The following BRDT variants were observed in gnomAD, a reference collection of about 807,000 sequenced individuals.
BRDT encodes bromodomain testis-specific protein.
BRDT carries 77 observed loss-of-function variants against 113.9 expected under a neutral mutation model. That is an observed-to-expected ratio of 0.68 (90% CI 0.56 to 0.82). BRDT has a LOEUF of 0.82. BRDT is among the 40% of genes least tolerant of loss of function. The pLI is 0.00. For synonymous variants in BRDT, 358 were observed against 366.5 expected, an observed-to-expected ratio of 0.98 and a Z score of 0.26; for missense variants, 1,027 against 1,105.4, an observed-to-expected ratio of 0.93 and a Z score of 1.01.
At chr1:92,004,640 A>T (rs756538975) in intron 17 of BRDT, 21 bp downstream of exon 17, 10 of 1,571,942 alleles carry the variant, frequency 6.4e-6, no homozygotes, top group African/African-American at 1.4e-5. Context: ...TACTGGATTA[A>T]AGGAGGGTTT....
At chr1:91,978,395 C>T (rs892695928) in intron 7 of BRDT, 99 bp downstream of exon 7, 25 of 1,387,368 alleles carry the variant, frequency 1.8e-5, no homozygotes, top group Non-Finnish European at 2.4e-5. Context: ...ATAACTCCTA[C>T]ACCTCTAAGT....
In BRDT at chr1:91,979,699, A is replaced by G. The variant is rs773792366; in HGVS notation, c.1229A>G (p.Asn410Ser). Residue 410 changes from asparagine (N) to serine (S), a missense_variant, in exon 8 of 19, where the codon AAC (asparagine) becomes AGC (serine). Asn to Ser is a conservative substitution (Grantham distance 46). Coordinates refer to ENST00000399546, the MANE Select transcript of BRDT (RefSeq NM_207189.4). Reference protein sequence around the residue: ...ENTNEASSEGNSSDDSEDERV... With the variant: ...ENTNEASSEGSSSDDSEDERV... Reference sequence around the variant, plus strand: ...ACTAATGAAGCCTCCTCTGAAGGGAACTCTTCTGATGATTCTGAAGATGAG... The same window carrying G: ...ACTAATGAAGCCTCCTCTGAAGGGAGCTCTTCTGATGATTCTGAAGATGAG... 2 of 1,613,830 alleles carry G rather than the reference A, an allele frequency of 1.2e-6. No individual in the cohort carries two copies. The highest frequency in any genetic ancestry group is 1.7e-6 in the Non-Finnish European group (2 of 1,179,966).
intron 12 of BRDT, among the ~76,000 whole-genome samples, chr1:91,990,957 C>G (rs1223403427): frequency 6.6e-6 from 1 of 152,082 alleles, no homozygotes; most frequent in East Asian, 1.9e-4. Context: ...GCCACCACAC[C>G]GTGCTAATTT....
chr1:91,967,244 T>C (rs1683154559), intron 3 of BRDT, among the ~76,000 whole-genome samples: 1 of 152,146 alleles, frequency 6.6e-6, no homozygotes, highest in African/African-American at 2.4e-5. Context: ...AATTCTCTTT[T>C]TTTTTTTTAA....
chr1:91,962,004 G>T (rs1425741748), intron 1 of BRDT, among the ~76,000 whole-genome samples: 1 of 151,400 alleles, frequency 6.6e-6, no homozygotes, highest in Admixed American at 6.6e-5. Context: ...AGTTAGCCGG[G>T]CGTAGTGGAG....
At chr1:91,977,878 AG>A (rs1684310272) in intron 6 of BRDT, among the ~76,000 whole-genome samples, 1 of 152,092 alleles carries the variant, frequency 6.6e-6, no homozygotes, top group African/African-American at 2.4e-5. Flanking sequence ...TCAAAAAAAA[AG>A]ATTATATGAA....
chr1:91,953,239 GTA>G (rs1681323121), intron 1 of BRDT, among the ~76,000 whole-genome samples: 2 of 152,108 alleles, frequency 1.3e-5, no homozygotes, highest in Admixed American at 1.3e-4. Context: ...TGGAATTAGT[GTA>G]TAAGCTCATC....
At chr1:92,008,280 CT>C (rs1351234774) in intron 18 of BRDT, among the ~76,000 whole-genome samples, 3 of 152,156 alleles carry the variant, frequency 2.0e-5, no homozygotes, top group Admixed American at 6.5e-5. Context: ...AAAGGACTTC[CT>C]TTGAACATTT....
intron 18 of BRDT, among the ~76,000 whole-genome samples, chr1:92,013,624 G>T (rs1043072882): frequency 1.3e-5 from 2 of 152,042 alleles, no homozygotes; most frequent in Non-Finnish European, 2.9e-5. Flanking sequence ...CTCTACTTTG[G>T]CTTATTTTTT....
At chr1:91,994,786 T>G (rs1340281882) in intron 15 of BRDT, among the ~76,000 whole-genome samples, 3 of 134,742 alleles carry the variant, frequency 2.2e-5, no homozygotes, top group Non-Finnish European at 4.6e-5. Flanking sequence ...GAGAATGGCG[T>G]GAACCCAGGA....
chr1:91,999,436 T>C (rs1056990002), intron 15 of BRDT, among the ~76,000 whole-genome samples: 1 of 152,226 alleles, frequency 6.6e-6, no homozygotes, highest in Non-Finnish European at 1.5e-5. Flanking sequence ...GACACCTCTC[T>C]TAACAATCCC....
chr1:91,991,970 C>T (rs10783079), intron 13 of BRDT, among the ~76,000 whole-genome samples: 69,347 of 133,152 alleles, frequency 0.52, 17,532 homozygotes, highest in East Asian at 0.61. Flanking sequence ...CCAGCCTGGG[C>T]GACAGAGCAA....
rs573593053 is a variant in BRDT at position 91,999,720 on chromosome 1, A to G, written c.2288-2329A>G. On this transcript the variant is annotated intron_variant, in intron 15 of 18. Transcript: ENST00000399546. ...GGAAGCAGTGCTCTATACTTGGGTG[A>G]TCTTTGGCATCCATGACTTCTAGTC... 4.8e-4 allele frequency among the ~76,000 whole-genome samples: 73 copies of G among 152,264 alleles called. 1 individual carries two copies. The South Asian group carries it at 0.014, about 29-fold the overall frequency.
chr1:92,006,055 C>T (rs967779241), intron 18 of BRDT, among the ~76,000 whole-genome samples: 3 of 152,150 alleles, frequency 2.0e-5, no homozygotes, highest in Non-Finnish European at 4.4e-5. Context: ...CTAGTGATTT[C>T]TGTTAGTGAT....
At chr1:91,970,553 C>T (rs1683523819) in intron 4 of BRDT, among the ~76,000 whole-genome samples, 1 of 152,188 alleles carries the variant, frequency 6.6e-6, no homozygotes, top group African/African-American at 2.4e-5. Flanking sequence ...AGGCGTGAGC[C>T]ACCATGCATG....
At position 92,005,272 on chromosome 1, in the gene BRDT, A is replaced by G. The variant is rs548458661; in HGVS notation, c.2748A>G (p.Lys916=). 1.8e-5 allele frequency: 29 copies of G among 1,568,390 alleles called. 1 individual carries two copies. The Admixed American group carries it at 4.8e-4, about 26-fold the overall frequency. The part of the protein sequence containing the change: ...LLKDRDLARQ[K]EQERRRREAM... The stretch of plus-strand genomic sequence containing the variant: ...AAGACCGTGATTTAGCAAGGCAGAA[A>G]GAACAAGAGAGGAGGAGGAGAGAAG... The change falls in exon 18 of 19, where the codon AAA becomes AAG. Residue 916 remains lysine (K), a synonymous_variant. Transcript: ENST00000399546.
intron 1 of BRDT, among the ~76,000 whole-genome samples, chr1:91,961,007 G>T (rs554886246): frequency 1.3e-5 from 2 of 152,188 alleles, no homozygotes; most frequent in South Asian, 4.2e-4. Context: ...TAATAAATTC[G>T]GTTTTAAAAT....
chr1:91,989,436 C>T (rs1305462171), intron 12 of BRDT, among the ~76,000 whole-genome samples: 1 of 152,118 alleles, frequency 6.6e-6, no homozygotes, highest in Non-Finnish European at 1.5e-5. Flanking sequence ...TCTCGGCTCA[C>T]TGCAACCTCT....
At chr1:91,966,875 CCTGGCCAAGATGGTGAAACCCTGTCT>C (rs1683116471) in intron 3 of BRDT, among the ~76,000 whole-genome samples, 1 of 152,106 alleles carries the variant, frequency 6.6e-6, no homozygotes, top group South Asian at 2.1e-4. Context: ...TCGAGATTAG[CCTGGCCAAGATGGTGAAACCCTGTCT>C]CTACTAAAAC....
Sources: allele counts gnomAD v4.1 joint callset (sites outside exome capture counted in the v4.1 genomes callset), GRCh38; gene constraint gnomAD v4.1.1; transcripts MANE v1.5; gene names NCBI Gene and HGNC (gene_info 2026-07-23, HGNC 2026-07-21).